Variants in RBKS observed in about 807,000 individuals in gnomAD.
RBKS encodes the protein ribokinase.
In RBKS, 33 loss-of-function variants were observed where a neutral mutation model predicts 33.9. The ratio of observed to expected loss-of-function variants is 0.97; its 90% CI spans 0.74 to 1.30. The LOEUF is 1.30. Among genes scored for constraint, RBKS ranks in the 50% most tolerant of loss-of-function variants. The pLI is 0.00. For synonymous variants in RBKS, 125 were observed against 143.0 expected, an observed-to-expected ratio of 0.87 and a Z score of 0.90; for missense variants, 361 against 392.6, an observed-to-expected ratio of 0.92 and a Z score of 0.68.
chr2:27,856,324 A>G (rs964279037), intron 2 of RBKS, among the ~76,000 whole-genome samples: 2 of 152,188 alleles, frequency 1.3e-5, no homozygotes, highest in Admixed American at 1.3e-4. Flanking sequence ...GATGTATAGA[A>G]CTTTCAAAAT....
At chr2:27,804,944 T>C (rs1677867977) in intron 7 of RBKS, among the ~76,000 whole-genome samples, 1 of 151,850 alleles carries the variant, frequency 6.6e-6, no homozygotes, top group Non-Finnish European at 1.5e-5. Context: ...GGAGGATTGT[T>C]GAAGCCCAGG....
chr2:27,867,876 A>G (rs1304745596), intron 1 of RBKS, among the ~76,000 whole-genome samples: 1 of 152,222 alleles, frequency 6.6e-6, no homozygotes, highest in Non-Finnish European at 1.5e-5. Context: ...GAAAATCAGA[A>G]TGCTGAAAAA....
At chr2:27,792,366 A>T (rs974040015) in intron 7 of RBKS, among the ~76,000 whole-genome samples, 2 of 152,260 alleles carry the variant, frequency 1.3e-5, no homozygotes, top group Non-Finnish European at 2.9e-5. Flanking sequence ...AAATGAAGTT[A>T]TTAACATCTC....
chr2:27,890,191 G>A lies in RBKS; in HGVS notation c.89+66C>T. The A allele has an allele frequency of 2.0e-6, 3 of 1,496,332 alleles. No individual in the cohort carries two copies. The highest frequency in any genetic ancestry group is 3.4e-5 in the Admixed American group (2 of 58,428). 92.7% of individuals were successfully genotyped at this position (1,496,332 alleles called of 1,614,324 possible). A position where few individuals can be genotyped will look rare whatever the true frequency, so the allele number is the denominator to read the frequency against. ...AGACCCAGCGCCCAAAAGCTCCACT[G>A]GGCGCATAGCGCACGGCACGCCTCC... On this transcript the variant is annotated intron_variant, in intron 1 of 7. Transcript: ENST00000302188. This position sits in a 1 kb window ranked among gnomAD's most constrained non-coding sequence, Gnocchi z 4.8.
At chr2:27,815,391 G>A (rs1479226330) in intron 7 of RBKS, among the ~76,000 whole-genome samples, 1 of 152,062 alleles carries the variant, frequency 6.6e-6, no homozygotes, top group Non-Finnish European at 1.5e-5. Context: ...TGTCGAAATG[G>A]GGTTTCGCCA....
At chr2:27,875,831 A>G (rs1331534344) in intron 1 of RBKS, among the ~76,000 whole-genome samples, 1 of 152,172 alleles carries the variant, frequency 6.6e-6, no homozygotes, top group East Asian at 1.9e-4. Context: ...TTGCCTGTAC[A>G]GACACATTTT....
chr2:27,883,451 G>A (rs538866102), intron 1 of RBKS, among the ~76,000 whole-genome samples: 93 of 152,014 alleles, frequency 6.1e-4, no homozygotes, highest in African/African-American at 2.0e-3. Context: ...TGCCCGCCTC[G>A]GCCTCCCAAA....
At chr2:27,821,266 G>A (rs1363792519) in intron 7 of RBKS, among the ~76,000 whole-genome samples, 1 of 151,958 alleles carries the variant, frequency 6.6e-6, no homozygotes, top group Non-Finnish European at 1.5e-5. Flanking sequence ...ATGAGGTTAA[G>A]CATTGTCTCA....
chr2:27,816,325 T>C (rs965555829), intron 7 of RBKS, among the ~76,000 whole-genome samples: 9 of 152,234 alleles, frequency 5.9e-5, no homozygotes, highest in African/African-American at 2.2e-4. Context: ...ATGACAGATG[T>C]CTTGTGCCTT....
intron 7 of RBKS, among the ~76,000 whole-genome samples, chr2:27,796,010 T>C (rs1409335034): frequency 1.3e-5 from 2 of 152,312 alleles, no homozygotes; most frequent in Admixed American, 1.3e-4. Context: ...GTTCTTCTCT[T>C]CCCATGATCT....
At chr2:27,841,729 AACACACACAC>A (rs35205983) in intron 5 of RBKS, among the ~76,000 whole-genome samples, 39 of 142,272 alleles carry the variant, frequency 2.7e-4, no homozygotes, top group Non-Finnish European at 5.0e-4. Context: ...CACTTATATA[AACACACACAC>A]ACACACACAC....
At chr2:27,791,643 C>A (rs1677523488) in intron 7 of RBKS, among the ~76,000 whole-genome samples, 1 of 123,094 alleles carries the variant, frequency 8.1e-6, no homozygotes, top group African/African-American at 3.3e-5. Flanking sequence ...CACACACACA[C>A]TAAATATACA....
chr2:27,842,720 G>A (rs1406409570), intron 5 of RBKS, among the ~76,000 whole-genome samples: 5 of 151,778 alleles, frequency 3.3e-5, no homozygotes, highest in Admixed American at 6.6e-5. Context: ...GCAGCAGAGC[G>A]ATCTCGGCTC....
At chr2:27,824,230 A>G (rs566900729) in intron 7 of RBKS, among the ~76,000 whole-genome samples, 1 of 152,362 alleles carries the variant, frequency 6.6e-6, no homozygotes, top group Admixed American at 6.5e-5. Flanking sequence ...CTTTTAAAAA[A>G]GAATTATTTA....
chr2:27,875,341 A>C (rs543724502), intron 1 of RBKS, among the ~76,000 whole-genome samples: 2 of 152,298 alleles, frequency 1.3e-5, no homozygotes, highest in African/African-American at 4.8e-5. Flanking sequence ...TTAGGTTAGG[A>C]GTTCGAGAGC....
chr2:27,798,349 A>G (rs1489990181), intron 7 of RBKS, among the ~76,000 whole-genome samples: 1 of 152,136 alleles, frequency 6.6e-6, no homozygotes, highest in Admixed American at 6.5e-5. Context: ...CTCTAACTCA[A>G]CACGGCCGAA....
Position 27,888,851 on chromosome 2 carries a change from C to A in RBKS, c.89+1406G>T, listed in dbSNP as rs534192443. 2.7e-3 allele frequency among the ~76,000 whole-genome samples: 412 copies of A among 152,186 alleles called. 2 individuals are homozygous for A. The highest frequency in any genetic ancestry group is 0.014 in the Middle Eastern group (4 of 294). On this transcript the variant is annotated intron_variant, in intron 1 of 7. Transcript: ENST00000302188. ...AAGCCTAAAATATTTACTATCTGGC[C>A]CTTTACAGAAAAGTTTACTTACTCT... is the stretch of plus-strand genomic sequence containing the variant.
At chr2:27,821,556 C>T (rs183275322) in intron 7 of RBKS, among the ~76,000 whole-genome samples, 28 of 152,314 alleles carry the variant, frequency 1.8e-4, no homozygotes, top group Admixed American at 7.8e-4. Context: ...GGATACTTGA[C>T]TTTCTTCTTT....
At chr2:27,826,884 T>C (rs1005031017) in intron 7 of RBKS, among the ~76,000 whole-genome samples, 1 of 152,202 alleles carries the variant, frequency 6.6e-6, no homozygotes, top group South Asian at 2.1e-4. Context: ...GGAGTCCATA[T>C]GCCTAGTTTC....
Sources: allele counts gnomAD v4.1 joint callset (sites outside exome capture counted in the v4.1 genomes callset), GRCh38; gene constraint gnomAD v4.1.1; non-coding constraint Gnocchi (gnomAD v3.1); transcripts MANE v1.5; gene names NCBI Gene and HGNC (gene_info 2026-07-23, HGNC 2026-07-21).